The following STK4 variants were observed in gnomAD, a reference collection of about 807,000 sequenced individuals.
The protein encoded by STK4 is serine/threonine kinase 4, also known as serine/threonine-protein kinase 4.
In STK4, 30 loss-of-function variants were observed where a neutral mutation model predicts 64.9. That is an observed-to-expected ratio of 0.46 (90% CI 0.35 to 0.63). The LOEUF (loss-of-function observed/expected upper bound fraction) is 0.63. STK4 is among the 20% of genes least tolerant of loss of function. The probability of loss-of-function intolerance (pLI) is 0.01; values close to 1 mark genes in which losing one functional copy is unlikely to be tolerated. For missense variants in STK4, 466 were observed against 598.5 expected (o/e 0.78, Z 2.31); for synonymous variants, 177 against 199.0 (o/e 0.89, Z 0.93).
At chr20:45,046,049 C>T (rs371172675) in intron 10 of STK4, among the ~76,000 whole-genome samples, 21 of 152,034 alleles carry the variant, frequency 1.4e-4, no homozygotes, top group East Asian at 5.8e-4. Context: ...TCAGGTGATC[C>T]GCCTGCCTCC....
At chr20:45,032,739 G>C (rs6073609) in intron 10 of STK4, among the ~76,000 whole-genome samples, 2 of 152,144 alleles carry the variant, frequency 1.3e-5, no homozygotes, top group South Asian at 4.1e-4. Context: ...CACAACACAT[G>C]CATGTGTCTT....
intron 9 of STK4, among the ~76,000 whole-genome samples, chr20:45,014,381 G>A (rs1040879059): frequency 1.3e-5 from 2 of 151,994 alleles, no homozygotes; most frequent in African/African-American, 2.4e-5. Flanking sequence ...GGCCAAGATC[G>A]TACCACTACA....
rs2068789199 is a variant in STK4, at chr20:45,052,319, A to G, written c.1306-22699A>G. On this transcript the variant is annotated intron_variant, in intron 10 of 10. Transcript: ENST00000372806. ...TAATTACATTTTAACATTTCCTTCC[A>G]GTTTTTTAATACTTAGATATTATTT... 2.0e-5 allele frequency among the ~76,000 whole-genome samples: 3 copies of G among 152,238 alleles called. No homozygotes were observed. The South Asian group carries it at 6.2e-4, about 32-fold the overall frequency.
chr20:45,017,491 CAG>C (rs2068163408), intron 9 of STK4, among the ~76,000 whole-genome samples: 1 of 152,138 alleles, frequency 6.6e-6, no homozygotes, highest in African/African-American at 2.4e-5. Flanking sequence ...GGTGCAAAGT[CAG>C]AAAGGTAGAA....
At chr20:45,037,706 T>C (rs145091358) in intron 10 of STK4, among the ~76,000 whole-genome samples, 1 of 152,248 alleles carries the variant, frequency 6.6e-6, no homozygotes, top group African/African-American at 2.4e-5. Context: ...TTAACCATTC[T>C]CTCCTAGATC....
At position 45,001,278 on chromosome 20, in the gene STK4, G is replaced by C; in HGVS notation, c.1072G>C (p.Asp358His). 6.2e-7 allele frequency: 1 copy of C among 1,614,066 alleles called. No individual in the cohort carries two copies. The highest frequency in any genetic ancestry group is 2.2e-5 in the East Asian group (1 of 44,900). Reference protein sequence around the residue: ...TDGANTMIEHDDTLPSQLGTM... With the variant: ...TDGANTMIEHHDTLPSQLGTM... ...TGGAGCCAATACTATGATTGAGCAC[G>C]ATGACACGTTGCCATCACAACTGGG... The change falls in exon 9 of 11, where the codon GAT (aspartate) becomes CAT (histidine). Residue 358 changes from aspartate to histidine, a missense_variant. This residue lies in a region of STK4 where 276 missense variants were observed against 308.9 expected (regional missense o/e 0.89). Transcript: ENST00000372806.
chr20:44,974,834 G>A (rs1209055118), intron 2 of STK4: 1 of 152,206 alleles, frequency 6.6e-6, no homozygotes, highest in African/African-American at 2.4e-5. Flanking sequence ...TGTATCTTGT[G>A]AAATGAGCTA....
chr20:44,978,366 G>A lies in STK4; in HGVS notation c.117-77G>A, dbSNP rs190684756. On this transcript the variant is annotated intron_variant, in intron 2 of 10. Coordinates refer to ENST00000372806, the MANE Select transcript of STK4 (RefSeq NM_006282.5). ...TTAGGGATATATGTTAGAACTATCAGTTGCTTGTGTTTTACCACTTCTTAT... is the reference window on the plus strand; with the variant it reads ...TTAGGGATATATGTTAGAACTATCAATTGCTTGTGTTTTACCACTTCTTAT... 6.6e-6 allele frequency: 10 copies of A among 1,520,292 alleles called. No homozygotes were observed. The African/African-American group carries it at 1.1e-4, about 17-fold the overall frequency. 94.2% of individuals were successfully genotyped at this position (1,520,292 alleles called of 1,614,324 possible). A position where few individuals can be genotyped will look rare whatever the true frequency, so the allele number is the denominator to read the frequency against.
At chr20:45,059,525 A>G (rs1978806695) in intron 10 of STK4, among the ~76,000 whole-genome samples, 2 of 152,192 alleles carry the variant, frequency 1.3e-5, no homozygotes, top group Non-Finnish European at 2.9e-5. Flanking sequence ...TGTGTATAGC[A>G]TGGTTATGCT....
intron 3 of STK4, 82 bp downstream of exon 3, chr20:44,978,653 A>G (rs2067380795): frequency 1.4e-6 from 2 of 1,406,340 alleles, no homozygotes; most frequent in Non-Finnish European, 9.4e-7. Flanking sequence ...CTAGAGACAC[A>G]TTTACTTAGA....
chr20:45,000,326 C>T, intron 7 of STK4, 66 bp from the exon 8 acceptor site: 1 of 1,542,484 alleles, frequency 6.5e-7, no homozygotes. Context: ...CTACTGTGTT[C>T]CAGGTACTGT....
intron 3 of STK4, among the ~76,000 whole-genome samples, chr20:44,980,637 G>T (rs1040476999): frequency 6.6e-6 from 1 of 152,154 alleles, no homozygotes; most frequent in African/African-American, 2.4e-5. Context: ...GAAAAGAAAA[G>T]AAAATCACTT....
chr20:45,016,943 G>A (rs1291606155), intron 9 of STK4, among the ~76,000 whole-genome samples: 2 of 152,270 alleles, frequency 1.3e-5, no homozygotes, highest in East Asian at 3.9e-4. Context: ...TAAGCTTGCT[G>A]TTCTGACCTT....
intron 2 of STK4, chr20:44,975,396 A>C: frequency 1.0e-6 from 1 of 984,078 alleles, no homozygotes; most frequent in Non-Finnish European, 1.2e-6. Flanking sequence ...CCTTGCTATC[A>C]GGATGCATAG....
intron 10 of STK4, among the ~76,000 whole-genome samples, chr20:45,069,087 G>A (rs35626751): frequency 0.26 from 38,997 of 152,128 alleles, 5,678 homozygotes; most frequent in Middle Eastern, 0.43. Context: ...CGATGGTGAG[G>A]GAATTCTAGG....
At chr20:45,037,013 T>C (rs1485411680) in intron 10 of STK4, among the ~76,000 whole-genome samples, 1 of 152,184 alleles carries the variant, frequency 6.6e-6, no homozygotes, top group Non-Finnish European at 1.5e-5. Flanking sequence ...AGACAGTTAG[T>C]GGCACAGTGA....
At chr20:44,967,126 A>G in intron 1 of STK4, 8 of 984,910 alleles carry the variant, frequency 8.1e-6, no homozygotes, top group Non-Finnish European at 9.6e-6. Flanking sequence ...AGGGTCTAGC[A>G]AGGGAGGGGA....
intron 10 of STK4, among the ~76,000 whole-genome samples, chr20:45,065,880 A>G (rs1208673093): frequency 6.6e-6 from 1 of 151,144 alleles, no homozygotes; most frequent in Non-Finnish European, 1.5e-5. Flanking sequence ...CCTTCAGTTC[A>G]GCTTTGATTT....
At chr20:44,972,223 A>G (rs1163535160) in intron 2 of STK4, 65 bp downstream of exon 2, 5 of 1,416,050 alleles carry the variant, frequency 3.5e-6, no homozygotes, top group Admixed American at 3.6e-5. Context: ...CAGAAGAAGC[A>G]GAAGGATATG....
Sources: gnomAD v4.1 joint callset for allele counts (sites outside exome capture counted in the v4.1 genomes callset) on GRCh38, gnomAD v4.1.1 for gene constraint, gnomAD v4.1.1 regional missense constraint, MANE v1.5 for transcripts, NCBI Gene and HGNC (gene_info 2026-07-23, HGNC 2026-07-21) for gene names.